Variants in SLC5A10 observed in about 807,000 individuals in gnomAD.
The protein encoded by SLC5A10 is solute carrier family 5 member 10.
In SLC5A10, 55 loss-of-function variants were observed where a neutral mutation model predicts 68.9. The observed-to-expected ratio is 0.80, with a 90% CI of 0.64 to 1.00. The LOEUF is 1.00. SLC5A10 is among the 50% of genes least tolerant of loss of function. The pLI is 0.00. For synonymous variants in SLC5A10, 344 were observed against 344.8 expected (o/e 1.00, Z 0.02); for missense variants, 732 against 819.3 (o/e 0.89, Z 1.30).
chr17:18,969,885 T>C lies in SLC5A10; in HGVS notation c.640+463T>C, dbSNP rs185241553. 3.2e-3 allele frequency: 511 copies of C among 157,610 alleles called. 4 individuals carry two copies. The highest frequency in any genetic ancestry group is 0.017 in the South Asian group (87 of 5,018). The allele number at this position is 157,610 out of a possible 1,614,324, so 9.8% of individuals were successfully genotyped here. A position where few individuals can be genotyped will look rare whatever the true frequency, so the allele number is the denominator to read the frequency against. The stretch of plus-strand genomic sequence containing the variant: ...GAGGAAAGAAGAGAGCTGGGAGAGA[T>C]TGGCGATACTAGTCTGGAACAGATA... On this transcript the variant is annotated intron_variant, in intron 7 of 14. Transcript: ENST00000395645.
intron 9 of SLC5A10, among the ~76,000 whole-genome samples, chr17:18,992,455 A>G (rs954097968): frequency 1.3e-5 from 2 of 152,092 alleles, no homozygotes; most frequent in African/African-American, 4.8e-5. Flanking sequence ...ACAAAGGAGA[A>G]CCCCACCTGT....
At position 18,996,415 on chromosome 17, in the gene SLC5A10, G is replaced by A. The variant is rs892874131; in HGVS notation, c.983-16995G>A. 1.3e-5 allele frequency among the ~76,000 whole-genome samples: 2 copies of A among 152,118 alleles called. No individual in the cohort carries two copies. Among genetic ancestry groups the A allele is most frequent in the African/African-American group, 2.4e-5 (1 of 41,418 alleles). On this transcript the variant is annotated intron_variant, in intron 9 of 14. Transcript: ENST00000395645. The surrounding 1 kb of genome is among the most constrained non-coding windows in gnomAD (Gnocchi z 4.4). Reference sequence around the variant, plus strand: ...GAATTAGTGACATGCCATCTGAAGAGGCCCAAGAAGGTTCTCTGGGTTAGG... The same window carrying A: ...GAATTAGTGACATGCCATCTGAAGAAGCCCAAGAAGGTTCTCTGGGTTAGG...
chr17:18,977,287 G>A (rs1948415628), intron 9 of SLC5A10: 6 of 577,740 alleles, frequency 1.0e-5, no homozygotes, highest in African/African-American at 1.9e-5. Context: ...CATCTGGCAG[G>A]TGCCATCAAG....
At chr17:19,015,920 C>A (rs574687424) in intron 11 of SLC5A10, among the ~76,000 whole-genome samples, 3 of 152,278 alleles carry the variant, frequency 2.0e-5, no homozygotes, top group Non-Finnish European at 4.4e-5. Context: ...TGAATAAGTT[C>A]TTTAGTGGCG....
chr17:19,020,055 C>A, intron 13 of SLC5A10, 100 bp from the exon 14 acceptor site: 2 of 1,450,206 alleles, frequency 1.4e-6, no homozygotes, highest in Non-Finnish European at 1.9e-6. Flanking sequence ...CCTTTTTGAA[C>A]TCAGCTGCCA....
chr17:18,950,784 T>C (rs548257315), upstream of SLC5A10: 4 of 705,568 alleles, frequency 5.7e-6, no homozygotes, highest in African/African-American at 5.8e-5. Flanking sequence ...GGCGCAGTCT[T>C]GGCTCACTGC....
At chr17:18,984,444 G>A (rs556838531) in intron 9 of SLC5A10, among the ~76,000 whole-genome samples, 124 of 152,326 alleles carry the variant, frequency 8.1e-4, no homozygotes, top group Non-Finnish European at 1.5e-3. Context: ...GGGAACGGGG[G>A]AACCTGGGCA....
At chr17:18,997,216 G>A (rs1029400559) in intron 9 of SLC5A10, among the ~76,000 whole-genome samples, 4 of 152,234 alleles carry the variant, frequency 2.6e-5, no homozygotes, top group Non-Finnish European at 4.4e-5. Flanking sequence ...CTAGCCCAGT[G>A]GCATGAAGGC....
chr17:18,970,424 G>A (rs947525463), intron 7 of SLC5A10: 2 of 157,768 alleles, frequency 1.3e-5, no homozygotes, highest in Non-Finnish European at 2.8e-5. Context: ...ACAGTGAGGT[G>A]TTTTGGACTG....
intron 9 of SLC5A10, chr17:18,977,608 C>A: frequency 6.2e-7 from 1 of 1,609,294 alleles, no homozygotes; most frequent in East Asian, 2.2e-5. Flanking sequence ...CTGTGGAGCG[C>A]TGGGCCTGCA....
rs2044179935 is a variant in SLC5A10, at chr17:19,018,204, C to T, written c.1242-1219C>T. On this transcript the variant is annotated intron_variant, in intron 11 of 14. Transcript: ENST00000395645. This position sits in a 1 kb window ranked among gnomAD's most constrained non-coding sequence, Gnocchi z 4.2. Reference sequence around the variant, plus strand: ...GACCCACCCTAGCTGAACACATAGCCTCTGTCACCCCTGCCACCACAGCCA... The same window carrying T: ...GACCCACCCTAGCTGAACACATAGCTTCTGTCACCCCTGCCACCACAGCCA... The T allele has an allele frequency of 6.6e-6, 1 of 152,376 alleles. No individual in the cohort carries two copies. Among genetic ancestry groups the T allele is most frequent in the South Asian group, 2.1e-4 (1 of 4,834 alleles). 9.4% of individuals were successfully genotyped at this position (152,376 alleles called of 1,614,324 possible). A position where few individuals can be genotyped will look rare whatever the true frequency, so the allele number is the denominator to read the frequency against.
rs770678854 is a variant in SLC5A10 at position 19,015,041 on chromosome 17, C to T, written c.1091-8C>T. 11 of 1,611,816 alleles carry T rather than the reference C, an allele frequency of 6.8e-6. No individual in the cohort carries two copies. In the East Asian group the frequency reaches 2.2e-4, roughly 33 times the overall value. On this transcript the variant is annotated splice_region_variant and splice_polypyrimidine_tract_variant and intron_variant, in intron 10 of 14. Transcript: ENST00000395645. The stretch of plus-strand genomic sequence containing the variant: ...GGACAGGGTCACACATCCCCCGTCC[C>T]ACCCCAGGTCTGCGGGGGCTGATGA...
Position 19,004,210 on chromosome 17 carries a change from C to T in SLC5A10, c.983-9200C>T. 5.6e-6 allele frequency: 1 copy of T among 177,686 alleles called. No individual in the cohort carries two copies. Among genetic ancestry groups the T allele is most frequent in the Admixed American group, 7.2e-5 (1 of 13,850 alleles). The allele number at this position is 177,686 out of a possible 1,614,324, so 11.0% of individuals were successfully genotyped here. The stretch of plus-strand genomic sequence containing the variant: ...GATGAGCCCGGCTCGGCGGGGAGGG[C>T]GGGCCGCGCGGGGAGGGGCGGCGGG... On this transcript the variant is annotated intron_variant, in intron 9 of 14. Coordinates refer to ENST00000395645, the MANE Select transcript of SLC5A10 (RefSeq NM_001042450.4). The surrounding 1 kb of genome is among the most constrained non-coding windows in gnomAD (Gnocchi z 5.4).
chr17:18,952,236 A>G lies in SLC5A10; in HGVS notation c.31A>G (p.Thr11Ala), dbSNP rs777790223. Reference sequence around the variant, plus strand: ...CGCCAACTCCACCAGCGACCTCCACACTCCCGGGACGCAGCTGAGCGTGGC... The same window carrying G: ...CGCCAACTCCACCAGCGACCTCCACGCTCCCGGGACGCAGCTGAGCGTGGC... MAANSTSDLH[T>A]PGTQLSVADI... is the part of the protein sequence containing the mutation. Residue 11 changes from threonine (T) to alanine (A), a missense_variant, in exon 1 of 15, where the codon ACT becomes GCT. Physicochemically the swap from Thr to Ala is moderately conservative, Grantham distance 58 (BLOSUM62 0). Transcript: ENST00000395645. The G allele has an allele frequency of 2.0e-5, 32 of 1,613,182 alleles. No homozygotes were observed. The South Asian group carries it at 3.0e-4, about 15-fold the overall frequency.
intron 11 of SLC5A10, among the ~76,000 whole-genome samples, chr17:19,016,842 A>T (rs141955735): frequency 6.6e-6 from 1 of 152,206 alleles, no homozygotes; most frequent in African/African-American, 2.4e-5. Flanking sequence ...CTCTGAGGCC[A>T]GACCTTGCTC....
rs1239251732 is a variant in SLC5A10 at position 19,003,933 on chromosome 17, C to T, written c.983-9477C>T. 1.2e-6 allele frequency: 2 copies of T among 1,612,824 alleles called. No homozygotes were observed. The highest frequency in any genetic ancestry group is 1.3e-5 in the African/African-American group (1 of 74,930). On this transcript the variant is annotated intron_variant, in intron 9 of 14. Coordinates refer to ENST00000395645, the MANE Select transcript of SLC5A10 (RefSeq NM_001042450.4). The surrounding 1 kb of genome is among the most constrained non-coding windows in gnomAD (Gnocchi z 4.5). ...GCGTCCCGGCCGCGGGCCACCAGGG[C>T]CTCCAGCGCCAGCCGCTGCTCCTCG...
chr17:18,969,842 T>G (rs2042796263), intron 7 of SLC5A10: 2 of 168,318 alleles, frequency 1.2e-5, no homozygotes, highest in Non-Finnish European at 2.5e-5. Flanking sequence ...TGCTACCTCC[T>G]GCAGGACAAA....
intron 9 of SLC5A10, among the ~76,000 whole-genome samples, chr17:18,981,073 C>A (rs2043119643): frequency 6.6e-6 from 1 of 152,214 alleles, no homozygotes; most frequent in South Asian, 2.1e-4. Context: ...TCAACCCCTG[C>A]CGAGGCCTCC....
intron 11 of SLC5A10, chr17:19,019,107 T>G (rs1597919272): frequency 2.9e-6 from 1 of 341,216 alleles, no homozygotes; most frequent in Non-Finnish European, 5.3e-6. Context: ...CTGGGACAGG[T>G]GCTTTGAAGG....
Sources: gnomAD v4.1 joint callset for allele counts (sites outside exome capture counted in the v4.1 genomes callset) on GRCh38, gnomAD v4.1.1 for gene constraint, Gnocchi (gnomAD v3.1) non-coding constraint, MANE v1.5 for transcripts, NCBI Gene and HGNC (gene_info 2026-07-23, HGNC 2026-07-21) for gene names.